KDM2A: variants seen among roughly 807,000 people sequenced by gnomAD.
The protein encoded by KDM2A is lysine demethylase 2A.
KDM2A carries 3 observed loss-of-function variants against 137.3 expected under a neutral mutation model. The observed-to-expected ratio is 0.02, with a 90% CI of 0.01 to 0.06. The LOEUF (loss-of-function observed/expected upper bound fraction) is 0.06, where lower values mean the gene tolerates loss of function less well. Among genes scored for constraint, KDM2A ranks in the 10% least tolerant of loss-of-function variants. The probability of loss-of-function intolerance (pLI) is 1.00; values close to 1 mark genes in which losing one functional copy is unlikely to be tolerated. For missense variants in KDM2A, 738 were observed against 1,510.6 expected (o/e 0.49, Z 8.48); for synonymous variants, 512 against 541.5 (o/e 0.95, Z 0.76).
At chr11:67,195,833 C>T (rs1380138420) in intron 5 of KDM2A, 2 of 218,266 alleles carry the variant, frequency 9.2e-6, no homozygotes, top group Admixed American at 5.3e-5. Flanking sequence ...GTGTATTTAC[C>T]CAGTTCAAAG....
intron 2 of KDM2A, among the ~76,000 whole-genome samples, chr11:67,164,976 CAT>C (rs1395610218): frequency 3.3e-5 from 5 of 152,000 alleles, no homozygotes; most frequent in African/African-American, 4.8e-5. Flanking sequence ...GCGATGAAGA[CAT>C]AGTTTTCTCT....
intron 5 of KDM2A, 104 bp from the exon 6 acceptor site, chr11:67,207,406 T>A: frequency 1.2e-6 from 1 of 844,018 alleles, no homozygotes; most frequent in Non-Finnish European, 1.7e-6. Flanking sequence ...TTATTGAAAA[T>A]AAGAAAGGAC....
intron 2 of KDM2A, among the ~76,000 whole-genome samples, chr11:67,154,468 T>C (rs1301617841): frequency 3.3e-5 from 5 of 152,194 alleles, no homozygotes; most frequent in African/African-American, 1.2e-4. Context: ...GTTTCACTCT[T>C]GTTGCCTAGG....
At chr11:67,247,142 TG>T (rs1859274194) in intron 15 of KDM2A, among the ~76,000 whole-genome samples, 1 of 129,058 alleles carries the variant, frequency 7.7e-6, no homozygotes, top group Non-Finnish European at 1.6e-5. Context: ...TAGGCTAGAG[TG>T]CAGTGGCGTG....
chr11:67,170,128 G>A (rs1590744877), intron 2 of KDM2A, among the ~76,000 whole-genome samples: 1 of 152,114 alleles, frequency 6.6e-6, no homozygotes, highest in South Asian at 2.1e-4. Context: ...ACATTTTCAT[G>A]GCATACACAC....
chr11:67,207,478 G>A (rs769450375), intron 5 of KDM2A, 32 bp from the exon 6 acceptor site: 3 of 1,513,548 alleles, frequency 2.0e-6, no homozygotes, highest in African/African-American at 1.4e-5. Flanking sequence ...TTAGTGGCTC[G>A]ATAGAGATGA....
At chr11:67,240,177 C>T (rs1858986146) in intron 12 of KDM2A, 1 of 1,511,254 alleles carries the variant, frequency 6.6e-7, no homozygotes, top group African/African-American at 1.4e-5. Flanking sequence ...TCTGGGTAGT[C>T]TGAAGGGTCA....
chr11:67,252,260 G>A (rs966870078), intron 17 of KDM2A: 2 of 192,602 alleles, frequency 1.0e-5, no homozygotes, highest in Non-Finnish European at 2.2e-5. Context: ...AGCTGCGAGT[G>A]ATTGACAAGG....
chr11:67,191,208 G>A (rs1857345444), intron 5 of KDM2A, among the ~76,000 whole-genome samples: 1 of 152,016 alleles, frequency 6.6e-6, no homozygotes, highest in African/African-American at 2.4e-5. Context: ...TTGTATTTTA[G>A]TAGAGATGGG....
At chr11:67,160,276 G>A (rs147734085) in intron 2 of KDM2A, among the ~76,000 whole-genome samples, 102 of 152,256 alleles carry the variant, frequency 6.7e-4, no homozygotes, top group African/African-American at 2.3e-3. Flanking sequence ...TGATGTCTCT[G>A]GGTATGCTGT....
intron 2 of KDM2A, among the ~76,000 whole-genome samples, chr11:67,160,737 C>T (rs560484444): frequency 3.3e-5 from 5 of 152,070 alleles, no homozygotes; most frequent in South Asian, 2.1e-4. Flanking sequence ...TGCCATTGCA[C>T]GCCAGCCTGG....
rs2136394482 is a variant in KDM2A at position 67,215,222 on chromosome 11, A to T, written c.487-118A>T. ...CAACAGATTTTTTTAATTTGCTTAT[A>T]ATTAAATTATAGTTTTTTGTTATGT... On this transcript the variant is annotated intron_variant, in intron 6 of 20. Coordinates refer to ENST00000529006, the MANE Select transcript of KDM2A (RefSeq NM_012308.3). The T allele has an allele frequency of 1.2e-5, 7 of 583,910 alleles. No homozygotes were observed. In the Admixed American group the frequency reaches 1.5e-4, roughly 12 times the overall value. 36.2% of individuals were successfully genotyped at this position (583,910 alleles called of 1,614,324 possible).
chr11:67,154,777 A>T (rs899545482), intron 2 of KDM2A, among the ~76,000 whole-genome samples: 5 of 152,108 alleles, frequency 3.3e-5, no homozygotes, highest in African/African-American at 1.2e-4. Context: ...AATATACTGT[A>T]TGACCTTTTG....
chr11:67,257,938 TGG>T lies in KDM2A; in HGVS notation c.*2885_*2886del, dbSNP rs1299134677. The T allele has an allele frequency of 6.6e-6, 1 of 152,138 alleles. No individual in the cohort carries two copies. The highest frequency in any genetic ancestry group is 6.5e-5 in the Admixed American group (1 of 15,282). 9.4% of individuals were successfully genotyped at this position (152,138 alleles called of 1,614,324 possible). On this transcript the variant is annotated 3_prime_UTR_variant, in exon 21 of 21. Transcript: ENST00000529006. ...GCAAGGACATCTTTCCTCTGACACG[TGG>T]GAATGGGTGATATTTGTGTAATAAA...
At chr11:67,159,956 A>G (rs780350469) in intron 2 of KDM2A, among the ~76,000 whole-genome samples, 1 of 152,254 alleles carries the variant, frequency 6.6e-6, no homozygotes, top group Non-Finnish European at 1.5e-5. Flanking sequence ...TTGCATAACA[A>G]TATGAACATA....
intron 5 of KDM2A, among the ~76,000 whole-genome samples, chr11:67,202,994 G>A (rs1449072881): frequency 6.9e-6 from 1 of 144,080 alleles, no homozygotes; most frequent in South Asian, 2.1e-4. Context: ...GACCCTGTCC[G>A]TCCGCCGCCA....
At chr11:67,232,066 T>A in intron 12 of KDM2A, 106 bp downstream of exon 12, 1 of 1,120,794 alleles carries the variant, frequency 8.9e-7, no homozygotes, top group Non-Finnish European at 1.3e-6. Flanking sequence ...TCTGGTTCAG[T>A]CAGAGAGAAG....
chr11:67,173,123 T>C (rs1856911640), intron 2 of KDM2A, among the ~76,000 whole-genome samples: 1 of 151,868 alleles, frequency 6.6e-6, no homozygotes, highest in Non-Finnish European at 1.5e-5. Context: ...TTTTGTTTGT[T>C]TGTTTGTTTG....
intron 2 of KDM2A, among the ~76,000 whole-genome samples, chr11:67,175,787 T>C (rs1256284054): frequency 2.0e-5 from 3 of 152,194 alleles, no homozygotes; most frequent in African/African-American, 7.2e-5. Context: ...AAAACAAGCA[T>C]ATTAGAACTA....
Sources: allele counts gnomAD v4.1 joint callset (sites outside exome capture counted in the v4.1 genomes callset), GRCh38; gene constraint gnomAD v4.1.1; transcripts MANE v1.5; gene names NCBI Gene and HGNC (gene_info 2026-07-23, HGNC 2026-07-21).